ARFGEF1: variants seen among roughly 807,000 people sequenced by gnomAD.
ARFGEF1 encodes ARF guanine nucleotide exchange factor 1, also known as brefeldin A-inhibited guanine nucleotide-exchange protein 1.
In ARFGEF1, 42 loss-of-function variants were observed where a neutral mutation model predicts 231.0. The ratio of observed to expected loss-of-function variants is 0.18; its 90% CI spans 0.14 to 0.24. The LOEUF (loss-of-function observed/expected upper bound fraction) is 0.24. Among genes scored for constraint, ARFGEF1 ranks in the 10% least tolerant of loss-of-function variants. The pLI, the probability that ARFGEF1 is intolerant of heterozygous loss-of-function variation, is 1.00. For synonymous variants in ARFGEF1, 710 were observed against 732.3 expected (o/e 0.97, Z 0.49); for missense variants, 1,345 against 2,192.0 (o/e 0.61, Z 7.72).
chr8:67,295,656 G>A (rs1806201771), intron 5 of ARFGEF1, among the ~76,000 whole-genome samples: 1 of 152,138 alleles, frequency 6.6e-6, no homozygotes, highest in African/African-American at 2.4e-5. Flanking sequence ...AGAACTAAAT[G>A]CATACTGAAC....
intron 5 of ARFGEF1, among the ~76,000 whole-genome samples, chr8:67,176,980 AG>A (rs1831823444): frequency 6.7e-6 from 1 of 149,306 alleles, no homozygotes; most frequent in African/African-American, 2.5e-5. Flanking sequence ...CTGAGTCAGG[AG>A]AATTGCTTGA....
chr8:67,244,140 G>C (rs971717046), intron 19 of ARFGEF1, among the ~76,000 whole-genome samples: 2 of 150,666 alleles, frequency 1.3e-5, no homozygotes, highest in Non-Finnish European at 3.0e-5. Context: ...TACTCAGGAG[G>C]CTGAGGCAGA....
downstream of ARFGEF1, chr8:67,195,529 A>C: frequency 6.2e-7 from 1 of 1,614,232 alleles, no homozygotes; most frequent in Non-Finnish European, 8.5e-7. Context: ...AACCAGGAGC[A>C]GCAGCAGATT....
chr8:67,267,281 C>A (rs376520711), intron 11 of ARFGEF1, 51 bp from the exon 12 acceptor site: 1 of 1,594,392 alleles, frequency 6.3e-7, no homozygotes, highest in South Asian at 1.1e-5. Flanking sequence ...GATATGAGTA[C>A]ATTTGGCCTT....
In ARFGEF1 at chr8:67,238,994, T is replaced by G. The variant is rs540117377; in HGVS notation, c.2980-101A>C. On this transcript the variant is annotated intron_variant, in intron 20 of 38. Coordinates refer to ENST00000262215, the MANE Select transcript of ARFGEF1 (RefSeq NM_006421.5). Reference sequence around the variant, plus strand: ...TTTACTTGTTCAGTAAGATTTTGTTTTTTTTTTTTTTAATTTATTTATTAA... The same window carrying G: ...TTTACTTGTTCAGTAAGATTTTGTTGTTTTTTTTTTTAATTTATTTATTAA... 1,563 of 939,828 alleles carry G rather than the reference T, an allele frequency of 1.7e-3. 14 individuals carry two copies. The African/African-American group carries it at 0.022, about 14-fold the overall frequency. The allele number at this position is 939,828 out of a possible 1,614,324, so 58.2% of individuals were successfully genotyped here.
chr8:67,216,527 C>G, intron 33 of ARFGEF1, 63 bp downstream of exon 33: 3 of 1,392,428 alleles, frequency 2.2e-6, no homozygotes, highest in Non-Finnish European at 3.0e-6. Flanking sequence ...AAGAATTTGA[C>G]CCATAATAAA....
At chr8:67,239,638 T>C (rs1441095860) in intron 20 of ARFGEF1, among the ~76,000 whole-genome samples, 1 of 152,216 alleles carries the variant, frequency 6.6e-6, no homozygotes, top group African/African-American at 2.4e-5. Context: ...GCTATACTTT[T>C]TGCAAGCCAT....
chr8:67,176,797 C>T (rs936007504), intron 5 of ARFGEF1, among the ~76,000 whole-genome samples: 1 of 152,108 alleles, frequency 6.6e-6, no homozygotes, highest in Non-Finnish European at 1.5e-5. Context: ...ACTGGCCAGG[C>T]GTGGTGGCTC....
At chr8:67,311,388 A>G (rs370491025) in intron 1 of ARFGEF1, among the ~76,000 whole-genome samples, 24 of 101,436 alleles carry the variant, frequency 2.4e-4, no homozygotes, top group Admixed American at 4.0e-4. Flanking sequence ...CCCTCTGCCC[A>G]GCCAGCCGCC....
intron 17 of ARFGEF1, among the ~76,000 whole-genome samples, chr8:67,257,478 A>C (rs1840497488): frequency 6.6e-6 from 1 of 152,210 alleles, no homozygotes. Flanking sequence ...TTAGATTAAA[A>C]TTTATCTTAA....
intron 13 of ARFGEF1, 45 bp from the exon 14 acceptor site, chr8:67,266,252 A>G (rs1352853656): frequency 2.0e-6 from 3 of 1,522,078 alleles, no homozygotes; most frequent in East Asian, 4.6e-5. Context: ...TATCAAAGAA[A>G]AAAAAAAGTG....
At chr8:67,257,686 T>G in intron 17 of ARFGEF1, 46 bp downstream of exon 17, 2 of 1,385,100 alleles carry the variant, frequency 1.4e-6, no homozygotes, top group Non-Finnish European at 2.0e-6. Context: ...AATAATGTAC[T>G]TATTTTGTAC....
chr8:67,211,661 T>C (rs763863381), intron 33 of ARFGEF1, 46 bp from the exon 34 acceptor site: 1 of 1,202,898 alleles, frequency 8.3e-7, no homozygotes, highest in Non-Finnish European at 1.1e-6. Context: ...TAATAAAGTT[T>C]ATGGGTGAAA....
chr8:67,323,695 C>G (rs1364782707), intron 1 of ARFGEF1, among the ~76,000 whole-genome samples: 1 of 152,202 alleles, frequency 6.6e-6, no homozygotes, highest in Non-Finnish European at 1.5e-5. Context: ...GAGATCTAAG[C>G]TTTCCATATT....
In ARFGEF1 at chr8:67,251,285, T is replaced by C; in HGVS notation, c.2850+14A>G. The C allele has an allele frequency of 6.3e-7, 1 of 1,575,302 alleles. No homozygotes were observed. Among genetic ancestry groups the C allele is most frequent in the Non-Finnish European group, 8.6e-7 (1 of 1,164,626 alleles). On this transcript the variant is annotated intron_variant, in intron 19 of 38. Transcript: ENST00000262215. ...AATGTACACTGCAATCAAACATTAC[T>C]TGAAAATTCTAACCTTAAACATGGG...
chr8:67,276,654 T>C (rs1159570048), intron 8 of ARFGEF1, among the ~76,000 whole-genome samples: 2 of 152,128 alleles, frequency 1.3e-5, no homozygotes, highest in African/African-American at 2.4e-5. Context: ...GTCATTACCA[T>C]GGTACTGATT....
intron 14 of ARFGEF1, among the ~76,000 whole-genome samples, chr8:67,261,028 G>A (rs1804597008): frequency 6.6e-6 from 1 of 152,218 alleles, no homozygotes; most frequent in Non-Finnish European, 1.5e-5. Flanking sequence ...AGGTAATGAA[G>A]CTGCAGAAGA....
intron 20 of ARFGEF1, 98 bp from the exon 21 acceptor site, chr8:67,238,991 G>GGT: frequency 1.6e-6 from 1 of 620,170 alleles, no homozygotes; most frequent in Non-Finnish European, 2.3e-6. Flanking sequence ...GTAAGATTTT[G>GGT]TTTTTTTTTT....
chr8:67,196,036 A>AAT (rs1837873826), downstream of ARFGEF1: 1 of 154,380 alleles, frequency 6.5e-6, no homozygotes. Flanking sequence ...TGTGTGATGC[A>AAT]ATCAAATGTC....
Sources: allele counts gnomAD v4.1 joint callset (sites outside exome capture counted in the v4.1 genomes callset), GRCh38; gene constraint gnomAD v4.1.1; transcripts MANE v1.5; gene names NCBI Gene and HGNC (gene_info 2026-07-23, HGNC 2026-07-21).